SYT14: variants seen among roughly 807,000 people sequenced by gnomAD.
The protein encoded by SYT14 is synaptotagmin 14.
In SYT14, 32 loss-of-function variants were observed where a neutral mutation model predicts 74.2. That is an observed-to-expected ratio of 0.43 (90% confidence interval 0.33 to 0.58). The LOEUF (loss-of-function observed/expected upper bound fraction) is 0.58, where lower values mean the gene tolerates loss of function less well. Among genes scored for constraint, SYT14 ranks in the 20% least tolerant of loss-of-function variants. The probability of loss-of-function intolerance (pLI) is 0.05; values close to 1 mark genes in which losing one functional copy is unlikely to be tolerated. For synonymous variants in SYT14, 298 were observed against 337.7 expected, an observed-to-expected ratio of 0.88 and a Z score of 1.29; for missense variants, 791 against 981.8, an observed-to-expected ratio of 0.81 and a Z score of 2.60.
chr1:210,051,101 T>A (rs888821855), intron 5 of SYT14, among the ~76,000 whole-genome samples: 6 of 152,214 alleles, frequency 3.9e-5, no homozygotes, highest in African/African-American at 1.2e-4. Flanking sequence ...TATTTCTCTT[T>A]TCTGTATTTG....
At chr1:209,993,017 T>G (rs1184345302) in intron 2 of SYT14, among the ~76,000 whole-genome samples, 1 of 152,170 alleles carries the variant, frequency 6.6e-6, no homozygotes, top group Non-Finnish European at 1.5e-5. Context: ...AGGATCCTAG[T>G]TACTCGTCTG....
intron 2 of SYT14, among the ~76,000 whole-genome samples, chr1:209,997,368 A>G (rs1326947370): frequency 3.3e-5 from 5 of 152,132 alleles, no homozygotes; most frequent in African/African-American, 7.2e-5. Context: ...AATCTCATTC[A>G]TAATAGCCAC....
intron 7 of SYT14, among the ~76,000 whole-genome samples, chr1:210,137,557 TTTAA>T (rs1322889768): frequency 3.3e-5 from 5 of 152,078 alleles, no homozygotes; most frequent in Non-Finnish European, 7.4e-5. Context: ...CAGAAAGATA[TTTAA>T]TTAACCTCTC....
chr1:210,010,294 ACATT>A (rs1253908070), intron 2 of SYT14, among the ~76,000 whole-genome samples: 1 of 152,118 alleles, frequency 6.6e-6, no homozygotes, highest in East Asian at 1.9e-4. Flanking sequence ...GAATACACAT[ACATT>A]CATTCATTCA....
rs113574621 is a variant in SYT14 at position 210,166,585 on chromosome 1, A to G, written c.*5543A>G. The G allele has an allele frequency of 8.0e-3, 1,212 of 151,886 alleles. 15 individuals carry two copies. The highest frequency in any genetic ancestry group is 0.028 in the African/African-American group (1,144 of 41,358). The allele number at this position is 151,886 out of a possible 1,614,324, so 9.4% of individuals were successfully genotyped here. A position where few individuals can be genotyped will look rare whatever the true frequency, so the allele number is the denominator to read the frequency against. ...GTAGAAAGGGAGGAAGAAAGGAGGG[A>G]GAGAGAGAGGAAGGGAGGAGGAGAA... is the stretch of plus-strand genomic sequence containing the variant. On this transcript the variant is annotated 3_prime_UTR_variant, in exon 10 of 10. Coordinates refer to ENST00000637265, the Ensembl canonical transcript of SYT14.
intron 2 of SYT14, among the ~76,000 whole-genome samples, chr1:209,956,525 G>A (rs2078995582): frequency 6.6e-6 from 1 of 152,084 alleles, no homozygotes; most frequent in African/African-American, 2.4e-5. Context: ...TATGGGATAG[G>A]CCTGGAAGGA....
intron 6 of SYT14, among the ~76,000 whole-genome samples, chr1:210,099,359 A>G (rs762356386): frequency 5.9e-5 from 9 of 152,302 alleles, no homozygotes; most frequent in Middle Eastern, 3.4e-3. Context: ...GCCATTTTCA[A>G]TAGTCATTAA....
intron 5 of SYT14, among the ~76,000 whole-genome samples, chr1:210,057,007 G>A (rs2081112549): frequency 6.6e-6 from 1 of 151,804 alleles, no homozygotes; most frequent in Non-Finnish European, 1.5e-5. Flanking sequence ...ACCACACTGT[G>A]CTAATTTTTG....
At chr1:210,146,450 T>C (rs1487023239) in intron 7 of SYT14, among the ~76,000 whole-genome samples, 1 of 139,770 alleles carries the variant, frequency 7.2e-6, no homozygotes, top group Non-Finnish European at 1.6e-5. Context: ...CTAAAAACTG[T>C]TAAACAAAAT....
At chr1:209,962,573 G>T (rs567016744) in intron 2 of SYT14, among the ~76,000 whole-genome samples, 19 of 152,022 alleles carry the variant, frequency 1.2e-4, no homozygotes, top group Admixed American at 2.6e-4. Context: ...ACTTCTTAAT[G>T]AGAGGTTTAT....
intron 7 of SYT14, among the ~76,000 whole-genome samples, chr1:210,151,947 T>C (rs944962586): frequency 2.0e-5 from 3 of 152,272 alleles, no homozygotes. Context: ...ACTATTAGGT[T>C]CACATCTTAT....
chr1:210,036,510 C>T (rs900541487), intron 5 of SYT14, among the ~76,000 whole-genome samples: 1 of 151,880 alleles, frequency 6.6e-6, no homozygotes, highest in Non-Finnish European at 1.5e-5. Context: ...TGTCTTGTTC[C>T]AGTTCTTAAG....
At chr1:210,138,953 A>G (rs899558115) in intron 7 of SYT14, among the ~76,000 whole-genome samples, 2 of 152,196 alleles carry the variant, frequency 1.3e-5, no homozygotes, top group Non-Finnish European at 2.9e-5. Flanking sequence ...ACAAACCTAA[A>G]TATCAAATTT....
chr1:209,950,318 AT>A (rs1247523420), intron 1 of SYT14, among the ~76,000 whole-genome samples: 4 of 152,134 alleles, frequency 2.6e-5, no homozygotes, highest in Non-Finnish European at 4.4e-5. Flanking sequence ...TAGTTATGTT[AT>A]TTTTATTACA....
At position 210,142,710 on chromosome 1, in the gene SYT14, C is replaced by T. The variant is rs2082942694; in HGVS notation, c.2035-13011C>T. Among the ~76,000 whole-genome samples the T allele has an allele frequency of 3.9e-5, 6 of 152,130 alleles. 1 individual carries two copies. The highest frequency in any genetic ancestry group is 1.3e-4 in the Admixed American group (2 of 15,282). On this transcript the variant is annotated intron_variant, in intron 7 of 9. Coordinates refer to ENST00000637265, the Ensembl canonical transcript of SYT14. ...CAGATTGAGCTGACATGGAGGATGA[C>T]CTGATTGAGCATAGGAGACCTCTCC...
chr1:209,990,764 A>T (rs923394822), intron 2 of SYT14, among the ~76,000 whole-genome samples: 3 of 151,320 alleles, frequency 2.0e-5, no homozygotes, highest in Non-Finnish European at 4.4e-5. Flanking sequence ...TAAAAAATTT[A>T]AAAAATTAGT....
intron 1 of SYT14, among the ~76,000 whole-genome samples, chr1:209,949,349 C>T (rs558318158): frequency 1.3e-5 from 2 of 151,872 alleles, no homozygotes; most frequent in Admixed American, 6.6e-5. Flanking sequence ...CCGAGGCGGG[C>T]GGATCATGAG....
chr1:210,059,441 T>TACAGAGAGAGAG (rs1175419124), intron 5 of SYT14, among the ~76,000 whole-genome samples: 1 of 93,066 alleles, frequency 1.1e-5, no homozygotes, highest in Non-Finnish European at 2.1e-5. Context: ...TATATATATA[T>TACAGAGAGAGAG]ATATATATAT....
chr1:210,168,892 A>G (rs1254217596), exon 10 of SYT14: 4 of 152,204 alleles, frequency 2.6e-5, no homozygotes, highest in African/African-American at 9.6e-5. Flanking sequence ...GAAAAGGCCC[A>G]TAAAGGATCA....
Sources: allele counts gnomAD v4.1 joint callset (sites outside exome capture counted in the v4.1 genomes callset), GRCh38; gene constraint gnomAD v4.1.1; transcripts MANE v1.5; gene names NCBI Gene and HGNC (gene_info 2026-07-23, HGNC 2026-07-21).